Variants in HDAC9 observed in about 807,000 individuals in gnomAD.
The protein encoded by HDAC9 is histone deacetylase 9, also known as MEF-2 interacting transcription repressor (MITR) protein.
Under a neutral mutation model 139.4 loss-of-function variants are expected in HDAC9, and 41 were observed. The observed-to-expected ratio is 0.29, with a 90% confidence interval of 0.23 to 0.38. The LOEUF (loss-of-function observed/expected upper bound fraction) is 0.38. Ranked by LOEUF, HDAC9 falls within the 10% of genes least tolerant of loss-of-function variation. The pLI is 1.00. For synonymous variants in HDAC9, 517 were observed against 476.2 expected (o/e 1.09, Z -1.12); for missense variants, 1,147 against 1,297.0 (o/e 0.88, Z 1.78).
chr7:18,148,680 G>A (rs575844489), intron 1 of HDAC9, among the ~76,000 whole-genome samples: 4 of 152,078 alleles, frequency 2.6e-5, no homozygotes, highest in East Asian at 1.9e-4. Flanking sequence ...GGCTGGTCTC[G>A]AACTCCTGAC....
intron 1 of HDAC9, among the ~76,000 whole-genome samples, chr7:18,350,706 G>A (rs1782784885): frequency 6.6e-6 from 1 of 152,142 alleles, no homozygotes. Context: ...AGAAATAAAG[G>A]TCAAGAGACA....
intron 6 of HDAC9, among the ~76,000 whole-genome samples, chr7:18,625,036 C>T (rs1028303154): frequency 6.6e-6 from 1 of 152,068 alleles, no homozygotes; most frequent in Admixed American, 6.6e-5. Context: ...TTTTCAAAAC[C>T]TTATGTCCTC....
At chr7:18,441,361 A>T (rs78967733) in intron 1 of HDAC9, among the ~76,000 whole-genome samples, 5,190 of 152,244 alleles carry the variant, frequency 0.034, 109 homozygotes, top group African/African-American at 0.063. Flanking sequence ...ATTACCTTTT[A>T]TCTTTTTTGA....
intron 1 of HDAC9, among the ~76,000 whole-genome samples, chr7:18,316,020 G>A (rs778997726): frequency 5.9e-5 from 9 of 152,226 alleles, no homozygotes; most frequent in Non-Finnish European, 1.3e-4. Context: ...TAGGGTGGTT[G>A]TGAGAATGAA....
chr7:18,854,612 A>G, intron 21 of HDAC9, among the ~76,000 whole-genome samples: 1 of 151,964 alleles, frequency 6.6e-6, no homozygotes, highest in East Asian at 1.9e-4. Context: ...AGAAAGAAAC[A>G]AAGAGAAATA....
At chr7:18,702,651 A>C (rs1783582306) in intron 12 of HDAC9, among the ~76,000 whole-genome samples, 1 of 151,972 alleles carries the variant, frequency 6.6e-6, no homozygotes, top group South Asian at 2.1e-4. Context: ...GGGTAACTTC[A>C]TGGGGTGAAA....
chr7:18,149,091 C>T (rs923509690), intron 1 of HDAC9, among the ~76,000 whole-genome samples: 2 of 152,044 alleles, frequency 1.3e-5, no homozygotes, highest in Non-Finnish European at 2.9e-5. Flanking sequence ...TCCTTGCCAA[C>T]GTGAGGATTA....
chr7:18,692,131 A>AT (rs769909803), intron 12 of HDAC9, among the ~76,000 whole-genome samples: 25 of 152,146 alleles, frequency 1.6e-4, no homozygotes, highest in Non-Finnish European at 3.2e-4. Context: ...ATAGCTACAG[A>AT]TTGGAAAGGA....
At chr7:18,249,580 G>A (rs963514270) in intron 2 of HDAC9, among the ~76,000 whole-genome samples, 5 of 150,402 alleles carry the variant, frequency 3.3e-5, no homozygotes, top group Admixed American at 6.6e-5. Flanking sequence ...TTACAGGGGA[G>A]AGGTTATTTC....
chr7:18,791,218 T>G (rs570884924), intron 16 of HDAC9, among the ~76,000 whole-genome samples: 1 of 152,170 alleles, frequency 6.6e-6, no homozygotes, highest in Admixed American at 6.5e-5. Context: ...AAGCTTATGA[T>G]GTACTCCAAA....
At chr7:18,858,551 A>G (rs113204989) in intron 21 of HDAC9, among the ~76,000 whole-genome samples, 4,216 of 152,302 alleles carry the variant, frequency 0.028, 84 homozygotes, top group Non-Finnish European at 0.04. Context: ...ACAATTCAAT[A>G]TGAGATTTGG....
intron 17 of HDAC9, among the ~76,000 whole-genome samples, chr7:18,794,577 A>T (rs1020131284): frequency 7.2e-5 from 11 of 152,194 alleles, no homozygotes; most frequent in African/African-American, 2.7e-4. Context: ...GACATTGCTC[A>T]TCTCAGGGGA....
chr7:18,560,192 G>T (rs978781609), intron 2 of HDAC9, among the ~76,000 whole-genome samples: 1 of 152,044 alleles, frequency 6.6e-6, no homozygotes, highest in African/African-American at 2.4e-5. Flanking sequence ...ATAATATTAG[G>T]TATATGTTAT....
chr7:18,815,971 G>C (rs1794534562), intron 17 of HDAC9, among the ~76,000 whole-genome samples: 1 of 152,150 alleles, frequency 6.6e-6, no homozygotes, highest in Non-Finnish European at 1.5e-5. Flanking sequence ...CTTTTTATAA[G>C]GTCTTTTGTA....
In HDAC9 at chr7:18,857,132, GAC is replaced by G. The variant is rs1420822976; in HGVS notation, c.2685-17345_2685-17344del. Among the ~76,000 whole-genome samples, 6 of 151,944 alleles carry G rather than the reference GAC, an allele frequency of 3.9e-5. 1 individual carries two copies. The East Asian group carries it at 1.2e-3, about 29-fold the overall frequency. On this transcript the variant is annotated intron_variant, in intron 21 of 25. Coordinates refer to ENST00000686413, the MANE Select transcript of HDAC9 (RefSeq NM_178425.4). ...TGTGTCATAGTTTTGGTAATTTTAT[GAC>G]TAAAACATGCTTTTCCTTTTGTCTG...
rs34248690 is a variant in HDAC9 at position 18,411,759 on chromosome 7, C to G, written c.-41-84503C>G. ...GTTTTCTGAAGAAATTTAAGGTAGACTAGGCAAAGCTATGATGTTCACAGT... is the reference window on the plus strand; with the variant it reads ...GTTTTCTGAAGAAATTTAAGGTAGAGTAGGCAAAGCTATGATGTTCACAGT... On this transcript the variant is annotated intron_variant, in intron 1 of 3. Transcript: ENST00000413509. 8.5e-3 allele frequency among the ~76,000 whole-genome samples: 1,265 copies of G among 148,360 alleles called. 10 individuals carry two copies. Among genetic ancestry groups the G allele is most frequent in the Non-Finnish European group, 0.015 (977 of 67,348 alleles).
chr7:18,099,579 T>C (rs1271225261), intron 1 of HDAC9, among the ~76,000 whole-genome samples: 2 of 152,238 alleles, frequency 1.3e-5, no homozygotes, highest in Non-Finnish European at 2.9e-5. Flanking sequence ...TGCTTTTCTC[T>C]GTGAGAACAA....
At chr7:18,582,546 A>C (rs550637355) in intron 2 of HDAC9, among the ~76,000 whole-genome samples, 45 of 152,102 alleles carry the variant, frequency 3.0e-4, no homozygotes, top group Admixed American at 1.4e-3. Flanking sequence ...TCATAGTGTA[A>C]ATATCACTTT....
chr7:18,370,377 TA>T (rs1426968987), intron 1 of HDAC9, among the ~76,000 whole-genome samples: 3 of 152,186 alleles, frequency 2.0e-5, no homozygotes, highest in Non-Finnish European at 4.4e-5. Flanking sequence ...CTGAAAACAT[TA>T]ATTTAGAGGG....
Sources: allele counts gnomAD v4.1 joint callset (sites outside exome capture counted in the v4.1 genomes callset), GRCh38; gene constraint gnomAD v4.1.1; transcripts MANE v1.5; gene names NCBI Gene and HGNC (gene_info 2026-07-23, HGNC 2026-07-21).